The following SLC30A10 variants were observed in gnomAD, a reference collection of about 807,000 sequenced individuals.
SLC30A10 encodes the protein solute carrier family 30 member 10.
SLC30A10 carries 8 observed loss-of-function variants against 21.7 expected under a neutral mutation model. The ratio of observed to expected loss-of-function variants is 0.37; its 90% CI spans 0.22 to 0.67. The LOEUF (loss-of-function observed/expected upper bound fraction) is 0.67, where lower values mean the gene tolerates loss of function less well. Among genes scored for constraint, SLC30A10 ranks in the 30% least tolerant of loss-of-function variants. The pLI is 0.58. For missense variants in SLC30A10, 521 were observed against 642.5 expected, an observed-to-expected ratio of 0.81 and a Z score of 2.04; for synonymous variants, 272 against 279.4, an observed-to-expected ratio of 0.97 and a Z score of 0.26.
At chr1:219,928,729 A>G, upstream of SLC30A10, 1 of 368,154 alleles carries the variant, frequency 2.7e-6, no homozygotes, top group Admixed American at 4.9e-5. This position sits in a 1 kb window ranked among gnomAD's most constrained non-coding sequence, Gnocchi z 6.3. Flanking sequence ...GCAGGTGGCC[A>G]CGAGCCGATG....
At chr1:219,925,491 G>A (rs890496123) in intron 2 of SLC30A10, among the ~76,000 whole-genome samples, 3 of 150,838 alleles carry the variant, frequency 2.0e-5, no homozygotes, top group South Asian at 2.1e-4. Context: ...CAGAGATGGC[G>A]CCACTGCACT....
At chr1:219,926,907 TG>T (rs1400743255) in intron 2 of SLC30A10, 120 bp downstream of exon 2, 1 of 712,500 alleles carries the variant, frequency 1.4e-6, no homozygotes, top group African/African-American at 1.8e-5. Flanking sequence ...TCATAGTCTA[TG>T]CATGTAACTG....
rs1659628179 is a variant in SLC30A10, at chr1:219,919,596, T to C, written c.719-1102A>G. 2.0e-5 allele frequency among the ~76,000 whole-genome samples: 3 copies of C among 151,142 alleles called. No homozygotes were observed. In the South Asian group the frequency reaches 6.4e-4, roughly 32 times the overall value. Reference sequence around the variant, plus strand: ...TTCAAGACCAGCCTGGCCAATATGGTGAAACCCTATCTCTACTAAAAATAC... The same window carrying C: ...TTCAAGACCAGCCTGGCCAATATGGCGAAACCCTATCTCTACTAAAAATAC... On this transcript the variant is annotated intron_variant, in intron 2 of 3. Transcript: ENST00000366926.
rs1048502245 is a variant in SLC30A10 at position 219,939,655 on chromosome 1, C to T, written n.81-12550G>A. Among the ~76,000 whole-genome samples the T allele has an allele frequency of 3.9e-5, 6 of 152,152 alleles. No individual in the cohort carries two copies. The South Asian group carries it at 1.2e-3, about 32-fold the overall frequency. On this transcript the variant is annotated intron_variant and non_coding_transcript_variant, in intron 1 of 8. Coordinates refer to the SLC30A10 transcript ENST00000484239. The stretch of plus-strand genomic sequence containing the variant: ...ATCTTGGCCAGGCTGGTCTTGAACT[C>T]CTGACTTCATGATCCACCCACCTCG...
Position 219,918,397 on chromosome 1 carries a change from C to T in SLC30A10, c.816G>A (p.Pro272=), listed in dbSNP as rs113370181. The T allele has an allele frequency of 9.7e-5, 156 of 1,614,086 alleles. No homozygotes were observed. Among genetic ancestry groups the T allele is most frequent in the African/African-American group, 1.5e-4 (11 of 75,000 alleles). ...FYVLPLKSED[P]CNWQCYIDPS... is the part of the protein sequence containing the mutation. ...GGTCAATGTAACACTGCCAGTTACA[C>T]GGGTCCTCACTCTTCAGGGGAAGCA... Residue 272 remains proline (P), a synonymous_variant, in exon 3 of 4, where the codon CCG becomes CCA. Transcript: ENST00000366926. The surrounding 1 kb of genome is among the most constrained non-coding windows in gnomAD (Gnocchi z 4.4).
intron 1 of SLC30A10, among the ~76,000 whole-genome samples, chr1:219,950,563 C>T (rs377757554): frequency 4.7e-5 from 7 of 147,454 alleles, no homozygotes; most frequent in Admixed American, 1.4e-4. Flanking sequence ...GGTGTGAACC[C>T]GGGAGGCAGA....
intron 1 of SLC30A10, among the ~76,000 whole-genome samples, chr1:219,955,475 T>G (rs1026533125): frequency 2.6e-5 from 4 of 152,182 alleles, no homozygotes; most frequent in African/African-American, 9.7e-5. Flanking sequence ...TTTAAAAATT[T>G]TCTGGTTCTG....
At chr1:219,923,783 G>A (rs1258077099) in intron 2 of SLC30A10, among the ~76,000 whole-genome samples, 2 of 152,224 alleles carry the variant, frequency 1.3e-5, no homozygotes, top group Non-Finnish European at 2.9e-5. Flanking sequence ...TTGTTTGCCA[G>A]GCACGGTGGC....
intron 3 of SLC30A10, among the ~76,000 whole-genome samples, chr1:219,916,549 T>C (rs1216271860): frequency 1.3e-5 from 2 of 152,254 alleles, no homozygotes; most frequent in Non-Finnish European, 2.9e-5. Flanking sequence ...AAACTGTGTG[T>C]ATGGTATGAT....
chr1:219,938,236 G>A (rs887112831), intron 1 of SLC30A10, among the ~76,000 whole-genome samples: 1 of 152,172 alleles, frequency 6.6e-6, no homozygotes, highest in African/African-American at 2.4e-5. Flanking sequence ...TCACTCTGGA[G>A]ATGGCCTACA....
intron 1 of SLC30A10, 139 bp downstream of exon 1, chr1:219,927,662 A>AC (rs1371675990): frequency 7.3e-6 from 4 of 551,462 alleles, no homozygotes; most frequent in African/African-American, 5.8e-5. Context: ...AAAAAAAAAA[A>AC]AAAAAACAAC....
chr1:219,927,871 G>A lies in SLC30A10; in HGVS notation c.570C>T (p.Ala190=), dbSNP rs376912502. 9.7e-6 allele frequency: 15 copies of A among 1,544,496 alleles called. No homozygotes were observed. In the South Asian group the frequency reaches 1.7e-4, roughly 17 times the overall value. The change falls in exon 1 of 4, where the codon GCC becomes GCT. Residue 190 remains alanine, a synonymous_variant. Coordinates refer to ENST00000366926, the MANE Select transcript of SLC30A10 (RefSeq NM_018713.3). ...CCACCGAGGTCCCCCGGAGGGTTAC[G>A]GCCGAGTCCGAGCCTGGGGCTGTCG... is the stretch of plus-strand genomic sequence containing the variant. ...ADPTAPGSDS[A]VTLRGTSVER... is the part of the protein sequence containing the mutation.
intron 1 of SLC30A10, among the ~76,000 whole-genome samples, chr1:219,950,786 A>G (rs1660256431): frequency 6.6e-6 from 1 of 150,882 alleles, no homozygotes; most frequent in South Asian, 2.1e-4. Flanking sequence ...ATCTCTACTA[A>G]AAAACACAAA....
At chr1:219,934,059 C>A (rs779019023) in intron 1 of SLC30A10, among the ~76,000 whole-genome samples, 2 of 152,076 alleles carry the variant, frequency 1.3e-5, no homozygotes, top group Admixed American at 6.5e-5. Context: ...AAGGCCGAGG[C>A]GGGTGGATCA....
intron 1 of SLC30A10, among the ~76,000 whole-genome samples, chr1:219,957,836 G>A (rs1456839722): frequency 1.3e-5 from 2 of 151,910 alleles, no homozygotes; most frequent in Non-Finnish European, 2.9e-5. Flanking sequence ...GCATCTTATA[G>A]ATATATTGTT....
intron 1 of SLC30A10, among the ~76,000 whole-genome samples, chr1:219,934,882 A>G (rs2102539938): frequency 6.6e-6 from 1 of 152,336 alleles, no homozygotes; most frequent in Non-Finnish European, 1.5e-5. Flanking sequence ...GGACAACCCC[A>G]GAGACGCACT....
At chr1:219,930,203 G>A (rs539109776), upstream of SLC30A10, among the ~76,000 whole-genome samples, 8 of 151,796 alleles carry the variant, frequency 5.3e-5, no homozygotes, top group African/African-American at 1.9e-4. Context: ...CAGGCGTGGT[G>A]GCTTACACCT....
chr1:219,917,949 G>T lies in SLC30A10; in HGVS notation c.958+306C>A, dbSNP rs1659585561. The stretch of plus-strand genomic sequence containing the variant: ...TCTGGTCTTGAACTTCTGACCTCAG[G>T]TGACTCACCCACCTCTGCCTCCCAG... On this transcript the variant is annotated intron_variant, in intron 3 of 3. Transcript: ENST00000366926. Among the ~76,000 whole-genome samples, 3 of 152,174 alleles carry T rather than the reference G, an allele frequency of 2.0e-5. No homozygotes were observed. The South Asian group carries it at 6.2e-4, about 32-fold the overall frequency.
chr1:219,922,325 T>C lies in SLC30A10; in HGVS notation c.719-3831A>G, dbSNP rs1222045332. Among the ~76,000 whole-genome samples the C allele has an allele frequency of 2.7e-5, 4 of 150,658 alleles. No homozygotes were observed. In the Admixed American group the frequency reaches 2.7e-4, roughly 10 times the overall value. Reference sequence around the variant, plus strand: ...CTCAGCCTCTCAAAATGGAAGATTCTGAGATAAATACATCGATAATCTCCT... The same window carrying C: ...CTCAGCCTCTCAAAATGGAAGATTCCGAGATAAATACATCGATAATCTCCT... On this transcript the variant is annotated intron_variant, in intron 2 of 3. Coordinates refer to ENST00000366926, the MANE Select transcript of SLC30A10 (RefSeq NM_018713.3).
Sources: gnomAD v4.1 joint callset for allele counts (sites outside exome capture counted in the v4.1 genomes callset) on GRCh38, gnomAD v4.1.1 for gene constraint, Gnocchi (gnomAD v3.1) non-coding constraint, MANE v1.5 for transcripts, NCBI Gene and HGNC (gene_info 2026-07-23, HGNC 2026-07-21) for gene names.